CCDC7: variants seen among roughly 807,000 people sequenced by gnomAD.
CCDC7 encodes the protein coiled-coil domain containing 7.
In CCDC7, 183 loss-of-function variants were observed where a neutral mutation model predicts 196.9. The ratio of observed to expected loss-of-function variants is 0.93; its 90% CI spans 0.82 to 1.05. The LOEUF (loss-of-function observed/expected upper bound fraction) is 1.05. Ranked by LOEUF, CCDC7 falls within the 50% of genes least tolerant of loss-of-function variation. The probability of loss-of-function intolerance (pLI) is 0.00; values close to 1 mark genes in which losing one functional copy is unlikely to be tolerated. For missense variants in CCDC7, 1,540 were observed against 1,482.2 expected, an observed-to-expected ratio of 1.04 and a Z score of -0.64; for synonymous variants, 525 against 484.6, an observed-to-expected ratio of 1.08 and a Z score of -1.10.
chr10:32,800,182 GA>G (rs1268860989), intron 29 of CCDC7, among the ~76,000 whole-genome samples: 142 of 152,272 alleles, frequency 9.3e-4, no homozygotes, highest in African/African-American at 3.3e-3. Flanking sequence ...GATGTGGTGG[GA>G]ATCACCACCC....
chr10:32,777,667 G>A (rs1478938216), intron 28 of CCDC7, among the ~76,000 whole-genome samples: 1 of 151,816 alleles, frequency 6.6e-6, no homozygotes, highest in Non-Finnish European at 1.5e-5. Context: ...AACCAACCAG[G>A]CCAACATGGT....
At chr10:32,685,065 A>T (rs763825957) in intron 21 of CCDC7, among the ~76,000 whole-genome samples, 1 of 151,902 alleles carries the variant, frequency 6.6e-6, no homozygotes, top group Non-Finnish European at 1.5e-5. Flanking sequence ...ACCCTCCTTC[A>T]TCTTGTAGGT....
intron 18 of CCDC7, among the ~76,000 whole-genome samples, chr10:32,612,349 A>G (rs780263384): frequency 2.9e-4 from 15 of 51,864 alleles, no homozygotes; most frequent in Non-Finnish European, 6.7e-4. Flanking sequence ...TAAATATACA[A>G]TCATGTCATC....
At chr10:32,560,384 G>A (rs1353623998) in intron 13 of CCDC7, among the ~76,000 whole-genome samples, 3 of 152,058 alleles carry the variant, frequency 2.0e-5, no homozygotes, top group Non-Finnish European at 4.4e-5. Flanking sequence ...ATTCACCAAA[G>A]TTGAAATGAA....
intron 21 of CCDC7, among the ~76,000 whole-genome samples, chr10:32,668,017 C>G (rs2140585356): frequency 6.6e-6 from 1 of 152,114 alleles, no homozygotes; most frequent in East Asian, 1.9e-4. Context: ...GATGTTCTTC[C>G]ATTTGTTTGT....
chr10:32,590,555 T>G (rs764368206), intron 18 of CCDC7, among the ~76,000 whole-genome samples: 5 of 152,212 alleles, frequency 3.3e-5, no homozygotes, highest in Non-Finnish European at 7.4e-5. Flanking sequence ...TCTCTGTTTT[T>G]CTATCTGCTA....
intron 23 of CCDC7, among the ~76,000 whole-genome samples, chr10:32,693,378 ATCTC>A (rs1461270497): frequency 2.0e-5 from 3 of 152,036 alleles, no homozygotes; most frequent in Admixed American, 6.6e-5. Context: ...AAAGATAACT[ATCTC>A]TCTATTTCCT....
At chr10:32,697,102 G>A (rs2077839110) in intron 24 of CCDC7, among the ~76,000 whole-genome samples, 1 of 152,084 alleles carries the variant, frequency 6.6e-6, no homozygotes, top group African/African-American at 2.4e-5. Context: ...GAATGAGTGG[G>A]AGCCCTGAGC....
At chr10:32,647,673 A>G (rs992820652) in intron 20 of CCDC7, among the ~76,000 whole-genome samples, 2 of 151,978 alleles carry the variant, frequency 1.3e-5, no homozygotes, top group African/African-American at 4.8e-5. Context: ...CCCATTTTCA[A>G]TGGAGATTTT....
intron 9 of CCDC7, among the ~76,000 whole-genome samples, chr10:32,493,530 C>A (rs922770071): frequency 6.6e-5 from 10 of 151,736 alleles, no homozygotes; most frequent in African/African-American, 2.4e-4. Context: ...CATGATTTAT[C>A]CCATTTCCTT....
At chr10:32,619,185 A>C (rs1564844441) in intron 18 of CCDC7, among the ~76,000 whole-genome samples, 1 of 152,110 alleles carries the variant, frequency 6.6e-6, no homozygotes, top group South Asian at 2.1e-4. Flanking sequence ...ATAAAAATGT[A>C]ATGTTAATAA....
At chr10:32,708,180 C>T (rs961592657) in intron 24 of CCDC7, among the ~76,000 whole-genome samples, 1 of 152,116 alleles carries the variant, frequency 6.6e-6, no homozygotes, top group Non-Finnish European at 1.5e-5. Flanking sequence ...CATCTACACC[C>T]ATCTGATCTT....
intron 18 of CCDC7, among the ~76,000 whole-genome samples, chr10:32,613,466 G>T (rs368124540): frequency 6.6e-6 from 1 of 151,980 alleles, no homozygotes. Context: ...TTTTGAATTT[G>T]TTTGCTCTTG....
At chr10:32,528,242 T>C (rs905024238) in intron 11 of CCDC7, among the ~76,000 whole-genome samples, 4 of 151,768 alleles carry the variant, frequency 2.6e-5, no homozygotes, top group Admixed American at 2.0e-4. Flanking sequence ...TTCCACTGTG[T>C]ATATGTAGCA....
chr10:32,817,206 C>A (rs901064279), intron 31 of CCDC7, among the ~76,000 whole-genome samples: 1 of 152,046 alleles, frequency 6.6e-6, no homozygotes, highest in South Asian at 2.1e-4. Flanking sequence ...GCCTGAGTAG[C>A]CGATTTGATC....
intron 20 of CCDC7, among the ~76,000 whole-genome samples, chr10:32,641,814 G>T (rs1016540995): frequency 2.6e-5 from 4 of 152,120 alleles, no homozygotes; most frequent in Non-Finnish European, 4.4e-5. Flanking sequence ...TGATGGTGAC[G>T]AACAGATGGG....
At chr10:32,601,465 T>C (rs1202242460) in intron 18 of CCDC7, among the ~76,000 whole-genome samples, 1 of 152,256 alleles carries the variant, frequency 6.6e-6, no homozygotes, top group Non-Finnish European at 1.5e-5. Flanking sequence ...CTGATAGTTT[T>C]GGCTTGTGTT....
downstream of CCDC7, among the ~76,000 whole-genome samples, chr10:32,878,972 G>A (rs987454019): frequency 1.3e-5 from 2 of 152,102 alleles, no homozygotes; most frequent in African/African-American, 4.8e-5. Context: ...TTCATAAAAT[G>A]TATGGGGCCA....
chr10:32,508,477 C>G (rs1357053177), intron 9 of CCDC7, among the ~76,000 whole-genome samples: 1 of 152,150 alleles, frequency 6.6e-6, no homozygotes, highest in Non-Finnish European at 1.5e-5. Flanking sequence ...CCAAAGTGAT[C>G]TACAGATTCT....
Sources: gnomAD v4.1 joint callset for allele counts (sites outside exome capture counted in the v4.1 genomes callset) on GRCh38, gnomAD v4.1.1 for gene constraint, MANE v1.5 for transcripts, NCBI Gene and HGNC (gene_info 2026-07-23, HGNC 2026-07-21) for gene names.